The following COA1 variants were observed in gnomAD, a reference collection of about 807,000 sequenced individuals.
The protein encoded by COA1 is cytochrome c oxidase assembly factor 1 homolog.
In COA1, 13 loss-of-function variants were observed where a neutral mutation model predicts 16.0. That is an observed-to-expected ratio of 0.81 (90% CI 0.53 to 1.29). COA1 has a LOEUF of 1.29. Among genes scored for constraint, COA1 ranks in the 50% most tolerant of loss-of-function variants. The probability of loss-of-function intolerance (pLI) is 0.00; values close to 1 mark genes in which losing one functional copy is unlikely to be tolerated. For synonymous variants in COA1, 65 were observed against 65.7 expected (o/e 0.99, Z 0.05); for missense variants, 179 against 177.0 (o/e 1.01, Z -0.06).
chr7:43,684,657 A>C (rs10241400), intron 1 of COA1, among the ~76,000 whole-genome samples: 22,358 of 152,180 alleles, frequency 0.15, 2,191 homozygotes, highest in Non-Finnish European at 0.21. Context: ...TGAAAGTGGA[A>C]AATAACATGT....
chr7:43,630,935 C>T (rs780523004), intron 6 of COA1, among the ~76,000 whole-genome samples: 3 of 152,146 alleles, frequency 2.0e-5, no homozygotes, highest in Non-Finnish European at 4.4e-5. Context: ...CTGCTACGTA[C>T]ATTGAGATCT....
intron 5 of COA1, 75 bp from the exon 6 acceptor site, chr7:43,639,756 C>T (rs1472312432): frequency 7.9e-5 from 91 of 1,146,468 alleles, no homozygotes; most frequent in Non-Finnish European, 1.1e-4. Flanking sequence ...AAAAGGGGCG[C>T]GGAAAGCAGT....
intron 1 of COA1, among the ~76,000 whole-genome samples, chr7:43,668,631 G>A (rs187562537): frequency 1.2e-4 from 18 of 152,236 alleles, no homozygotes; most frequent in Admixed American, 5.2e-4. Flanking sequence ...ATCAAGTGGC[G>A]ATCTCCTACA....
chr7:43,729,031 G>C (rs2095682977), intron 1 of COA1, among the ~76,000 whole-genome samples: 2 of 152,202 alleles, frequency 1.3e-5, no homozygotes, highest in Non-Finnish European at 2.9e-5. Flanking sequence ...CACTAAACCA[G>C]GTAATTCTTT....
At chr7:43,614,800 G>T (rs545117593) in intron 6 of COA1, among the ~76,000 whole-genome samples, 1 of 152,270 alleles carries the variant, frequency 6.6e-6, no homozygotes, top group East Asian at 1.9e-4. Context: ...CATACAATAA[G>T]ATTTTAATAA....
downstream of COA1, among the ~76,000 whole-genome samples, chr7:43,638,565 CCT>C (rs1491402710): frequency 1.1e-3 from 135 of 125,228 alleles, no homozygotes; most frequent in African/African-American, 3.8e-3. Flanking sequence ...CTTTTTCTTT[CCT>C]TTTTTTTTTT....
chr7:43,663,697 C>A (rs372750652), intron 1 of COA1, among the ~76,000 whole-genome samples: 4,286 of 143,880 alleles, frequency 0.03, 188 homozygotes, highest in African/African-American at 0.1. Context: ...AACACACACA[C>A]AAAAAAAAAC....
At chr7:43,636,550 GCTT>G (rs1164388383), downstream of COA1, among the ~76,000 whole-genome samples, 2 of 152,184 alleles carry the variant, frequency 1.3e-5, no homozygotes, top group African/African-American at 4.8e-5. Flanking sequence ...CAGAACTGCC[GCTT>G]CTTGAGCATT....
At chr7:43,663,249 A>T (rs2092610885) in intron 1 of COA1, among the ~76,000 whole-genome samples, 1 of 152,208 alleles carries the variant, frequency 6.6e-6, no homozygotes, top group Non-Finnish European at 1.5e-5. Context: ...GGCCCCTGCC[A>T]GAAGCTGAGC....
In COA1 at chr7:43,659,606, AC is replaced by A. The variant is rs546847773; in HGVS notation, c.-38-10955del. Among the ~76,000 whole-genome samples, 58 of 152,344 alleles carry A rather than the reference AC, an allele frequency of 3.8e-4. No individual in the cohort carries two copies. The South Asian group carries it at 0.011, about 29-fold the overall frequency. On this transcript the variant is annotated intron_variant, in intron 1 of 5. Coordinates refer to ENST00000223336, the MANE Select transcript of COA1 (RefSeq NM_018224.4). The stretch of plus-strand genomic sequence containing the variant: ...TTAAGAGCCTCCATTTTAGAAAAAA[AC>A]ATTTATAAAAATAAAACAATTTGGT...
chr7:43,618,508 T>C (rs1653757129), intron 6 of COA1, among the ~76,000 whole-genome samples: 1 of 152,150 alleles, frequency 6.6e-6, no homozygotes, highest in Non-Finnish European at 1.5e-5. Flanking sequence ...CACTGGGTGT[T>C]AGAGTGAAGT....
chr7:43,679,050 G>A (rs760394810), intron 1 of COA1, among the ~76,000 whole-genome samples: 8 of 152,114 alleles, frequency 5.3e-5, no homozygotes, highest in Non-Finnish European at 5.9e-5. Flanking sequence ...AGGCCAAGGC[G>A]GGTTGATTAC....
chr7:43,693,428 A>G (rs1337126798), intron 1 of COA1, among the ~76,000 whole-genome samples: 1 of 152,054 alleles, frequency 6.6e-6, no homozygotes, highest in Non-Finnish European at 1.5e-5. Flanking sequence ...CTCTCCTCCC[A>G]TAATCCAGTA....
At chr7:43,706,006 C>G (rs543525045) in intron 1 of COA1, among the ~76,000 whole-genome samples, 10 of 152,228 alleles carry the variant, frequency 6.6e-5, no homozygotes, top group South Asian at 2.1e-4. Flanking sequence ...AAGATCTGTT[C>G]AGAGTGTGCT....
At chr7:43,659,743 T>TC (rs1334879427) in intron 1 of COA1, among the ~76,000 whole-genome samples, 1 of 152,018 alleles carries the variant, frequency 6.6e-6, no homozygotes, top group Admixed American at 6.6e-5. Context: ...CTCTGGAGAG[T>TC]CCTCTCCACT....
In COA1 at chr7:43,623,617, T is replaced by C. The variant is rs144785063; in HGVS notation, c.*134-14122A>G. 1.5e-4 allele frequency: 239 copies of C among 1,611,170 alleles called. No individual in the cohort carries two copies. Among genetic ancestry groups the C allele is most frequent in the Non-Finnish European group, 2.0e-4 (232 of 1,178,922 alleles). On this transcript the variant is annotated intron_variant and NMD_transcript_variant, in intron 6 of 6. Transcript: ENST00000415076. ...GATCCTATAAGCATGGCAACAGATATGTGGTAAGAGTTATTAATGAAAAAT... is the reference window on the plus strand; with the variant it reads ...GATCCTATAAGCATGGCAACAGATACGTGGTAAGAGTTATTAATGAAAAAT...
chr7:43,620,312 TTGA>T (rs1444904841), intron 6 of COA1, among the ~76,000 whole-genome samples: 2 of 152,180 alleles, frequency 1.3e-5, no homozygotes, highest in Non-Finnish European at 2.9e-5. Flanking sequence ...GATTAATAGT[TTGA>T]TGGTCTTTTT....
chr7:43,611,067 A>G (rs960704312), intron 6 of COA1, among the ~76,000 whole-genome samples: 1 of 152,202 alleles, frequency 6.6e-6, no homozygotes, highest in African/African-American at 2.4e-5. Context: ...CAGTGAGCCG[A>G]GATTGCGCCA....
At chr7:43,650,719 TAAAAAC>T (rs1232565457) in intron 1 of COA1, 1 of 149,828 alleles carries the variant, frequency 6.7e-6, no homozygotes, top group Non-Finnish European at 1.5e-5. Flanking sequence ...CATCCTGTAT[TAAAAAC>T]AAGATAACAA....
Sources: allele counts gnomAD v4.1 joint callset (sites outside exome capture counted in the v4.1 genomes callset), GRCh38; gene constraint gnomAD v4.1.1; transcripts MANE v1.5; gene names NCBI Gene and HGNC (gene_info 2026-07-23, HGNC 2026-07-21).